EFCAB7: variants seen among roughly 807,000 people sequenced by gnomAD.
The protein encoded by EFCAB7 is EF-hand calcium-binding domain-containing protein 7.
EFCAB7 carries 66 observed loss-of-function variants against 77.1 expected under a neutral mutation model. The observed-to-expected ratio is 0.86, with a 90% confidence interval of 0.70 to 1.05. The LOEUF is 1.05. Ranked by LOEUF, EFCAB7 falls within the 50% of genes least tolerant of loss-of-function variation. EFCAB7 has a pLI of 0.00. For missense variants in EFCAB7, 638 were observed against 730.5 expected, an observed-to-expected ratio of 0.87 and a Z score of 1.46; for synonymous variants, 225 against 243.3, an observed-to-expected ratio of 0.92 and a Z score of 0.70.
chr1:63,578,871 G>A, the EFCAB7 span, among the ~76,000 whole-genome samples: 1 of 152,178 alleles, frequency 6.6e-6, no homozygotes, highest in African/African-American at 2.4e-5. Flanking sequence ...GTCTATCAGA[G>A]AAGACAGATT....
chr1:63,578,837 C>G, the EFCAB7 span, among the ~76,000 whole-genome samples: 1 of 149,012 alleles, frequency 6.7e-6, no homozygotes, highest in African/African-American at 2.5e-5. Context: ...AAGCCAGACG[C>G]TGCTCCTGCC....
chr1:63,531,809 T>A lies in EFCAB7; in HGVS notation c.188-11T>A, dbSNP rs751504263. The stretch of plus-strand genomic sequence containing the variant: ...GTTACAATCACAAATAATACTTGTC[T>A]TGTTGGGCAGCTCTTCAGCATGCAG... On this transcript the variant is annotated splice_polypyrimidine_tract_variant and intron_variant, in intron 2 of 13. Coordinates refer to ENST00000371088, the MANE Select transcript of EFCAB7 (RefSeq NM_032437.4). The A allele has an allele frequency of 1.2e-6, 2 of 1,608,946 alleles. No individual in the cohort carries two copies. The highest frequency in any genetic ancestry group is 2.2e-5 in the South Asian group (2 of 89,622).
At chr1:63,537,141 A>G (rs1223906426) in intron 6 of EFCAB7, among the ~76,000 whole-genome samples, 1 of 152,174 alleles carries the variant, frequency 6.6e-6, no homozygotes, top group Admixed American at 6.5e-5. Context: ...TAGTTACTGC[A>G]TTATTATTCT....
intron 11 of EFCAB7, among the ~76,000 whole-genome samples, chr1:63,563,846 T>G (rs1647139565): frequency 6.6e-6 from 1 of 152,206 alleles, no homozygotes; most frequent in Non-Finnish European, 1.5e-5. Flanking sequence ...ATGAAGATCC[T>G]CTGTTAAAGA....
rs1646885862 is a variant in EFCAB7, at chr1:63,545,467, T to G, written c.805-449T>G. On this transcript the variant is annotated intron_variant, in intron 6 of 13. Coordinates refer to ENST00000371088, the MANE Select transcript of EFCAB7 (RefSeq NM_032437.4). The stretch of plus-strand genomic sequence containing the variant: ...TGTGTTAACCATATATTACTGCCAA[T>G]TATAATTGGATTTTTTTGAGACGGA... 2.0e-5 allele frequency among the ~76,000 whole-genome samples: 3 copies of G among 152,228 alleles called. No individual in the cohort carries two copies. The South Asian group carries it at 6.2e-4, about 32-fold the overall frequency.
At chr1:63,567,540 T>C (rs1266330785) in intron 11 of EFCAB7, among the ~76,000 whole-genome samples, 1 of 151,718 alleles carries the variant, frequency 6.6e-6, no homozygotes, top group Non-Finnish European at 1.5e-5. Flanking sequence ...GTGAGGGAGA[T>C]TGGGGGGCCA....
At chr1:63,565,462 G>C (rs946867847) in intron 11 of EFCAB7, among the ~76,000 whole-genome samples, 2 of 151,994 alleles carry the variant, frequency 1.3e-5, no homozygotes, top group Non-Finnish European at 2.9e-5. Flanking sequence ...TACCATTCAA[G>C]ATATAGGCAT....
In EFCAB7 at chr1:63,555,393, T is replaced by G. The variant is rs145616195; in HGVS notation, c.1092T>G (p.Ile364Met). 5.6e-5 allele frequency: 90 copies of G among 1,613,128 alleles called. No homozygotes were observed. In the East Asian group the frequency reaches 2.0e-3, roughly 35 times the overall value. Residue 364 changes from isoleucine (I) to methionine (M), a missense_variant, in exon 9 of 14, where the codon ATT becomes ATG. Physicochemically the swap from Ile to Met is conservative, Grantham distance 10 (BLOSUM62 1). Coordinates refer to ENST00000371088, the MANE Select transcript of EFCAB7 (RefSeq NM_032437.4). ...GGACTGGTGAACTAGGACCTGGAAT[T>G]TACTGGTTAATTCCTTCCACAACTG... The part of the protein sequence containing the change: ...FGWTGELGPG[I>M]YWLIPSTTGC...
intron 4 of EFCAB7, among the ~76,000 whole-genome samples, chr1:63,533,191 T>TA (rs200839850): frequency 3.1e-4 from 47 of 152,148 alleles, no homozygotes; most frequent in Non-Finnish European, 4.6e-4. Context: ...ACACATCTTG[T>TA]AAAAAAATAA....
intron 6 of EFCAB7, among the ~76,000 whole-genome samples, chr1:63,540,456 A>G (rs1217843157): frequency 6.6e-6 from 1 of 151,966 alleles, no homozygotes. Context: ...AAAAATTTGA[A>G]TTCGTACCCT....
chr1:63,564,555 C>G (rs1321854485), intron 11 of EFCAB7, among the ~76,000 whole-genome samples: 1 of 152,052 alleles, frequency 6.6e-6, no homozygotes, highest in African/African-American at 2.4e-5. Flanking sequence ...TCAAAGAAAT[C>G]AGAGATGACA....
the EFCAB7 span, among the ~76,000 whole-genome samples, chr1:63,585,188 G>A: frequency 6.6e-6 from 1 of 151,192 alleles, no homozygotes; most frequent in Admixed American, 6.6e-5. Flanking sequence ...TTCTTTAACA[G>A]CTACAGGATA....
the EFCAB7 span, among the ~76,000 whole-genome samples, chr1:63,578,434 C>T: frequency 6.8e-6 from 1 of 146,846 alleles, no homozygotes; most frequent in Non-Finnish European, 1.5e-5. Context: ...ACAGGCTGTA[C>T]CTCTAACATA....
At chr1:63,566,656 A>G (rs1043667119) in intron 11 of EFCAB7, among the ~76,000 whole-genome samples, 2 of 152,084 alleles carry the variant, frequency 1.3e-5, no homozygotes, top group African/African-American at 2.4e-5. Context: ...ATTTACCAGT[A>G]CTGAACAAAT....
At chr1:63,528,978 A>G (rs116248722) in intron 2 of EFCAB7, among the ~76,000 whole-genome samples, 1 of 152,104 alleles carries the variant, frequency 6.6e-6, no homozygotes, top group East Asian at 1.9e-4. Flanking sequence ...AAAAAATTAC[A>G]ACTTCATTTA....
At chr1:63,561,180 A>G (rs1647095598) in intron 10 of EFCAB7, among the ~76,000 whole-genome samples, 1 of 152,232 alleles carries the variant, frequency 6.6e-6, no homozygotes, top group African/African-American at 2.4e-5. Context: ...ATTATCTGTC[A>G]GTCTTTCAAG....
the EFCAB7 span, among the ~76,000 whole-genome samples, chr1:63,581,419 A>G: frequency 6.7e-6 from 1 of 148,560 alleles, no homozygotes; most frequent in South Asian, 2.1e-4. Context: ...TGGATGCTCA[A>G]TGTTGTCAAA....
Position 63,561,689 on chromosome 1 carries a change from A to C in EFCAB7, c.1349-20A>C, listed in dbSNP as rs532127717. The C allele has an allele frequency of 2.0e-6, 3 of 1,533,210 alleles. No individual in the cohort carries two copies. Among genetic ancestry groups the C allele is most frequent in the Non-Finnish European group, 2.6e-6 (3 of 1,137,284 alleles). 95.0% of individuals were successfully genotyped at this position (1,533,210 alleles called of 1,614,324 possible). ...GAATTTTTAAATTATGTAAGAAAAA[A>C]CTTTTGGTTGTTTAAACAGAGAATT... On this transcript the variant is annotated intron_variant, in intron 10 of 13. Transcript: ENST00000371088.
chr1:63,573,113 T>C (rs1647315426), downstream of EFCAB7, among the ~76,000 whole-genome samples: 1 of 152,150 alleles, frequency 6.6e-6, no homozygotes, highest in African/African-American at 2.4e-5. Flanking sequence ...CCTGTCTTCT[T>C]ATATTAATAA....
Sources: gnomAD v4.1 joint callset for allele counts (sites outside exome capture counted in the v4.1 genomes callset) on GRCh38, gnomAD v4.1.1 for gene constraint, MANE v1.5 for transcripts, NCBI Gene and HGNC (gene_info 2026-07-23, HGNC 2026-07-21) for gene names.